The following CCDC33 variants were observed in gnomAD, a reference collection of about 807,000 sequenced individuals.
CCDC33 encodes the protein coiled-coil domain-containing protein 33.
A neutral mutation model predicts 91.9 loss-of-function variants in CCDC33; 94 were observed. The observed-to-expected ratio is 1.02, with a 90% CI of 0.87 to 1.21. The LOEUF (loss-of-function observed/expected upper bound fraction) is 1.21. Among genes scored for constraint, CCDC33 ranks in the 50% most tolerant of loss-of-function variants. The probability of loss-of-function intolerance (pLI) is 0.00; values close to 1 mark genes in which losing one functional copy is unlikely to be tolerated. For missense variants in CCDC33, 940 were observed against 935.5 expected (o/e 1.00, Z -0.06); for synonymous variants, 396 against 374.5 (o/e 1.06, Z -0.66).
chr15:74,241,793 G>A (rs956194574), intron 1 of CCDC33, among the ~76,000 whole-genome samples: 15 of 152,220 alleles, frequency 9.9e-5, no homozygotes, highest in Admixed American at 6.5e-5. Flanking sequence ...GTTTGAAGGT[G>A]GAGCTGACAG....
chr15:74,282,406 C>T (rs773970435), intron 10 of CCDC33, among the ~76,000 whole-genome samples: 5 of 152,176 alleles, frequency 3.3e-5, no homozygotes, highest in Admixed American at 6.5e-5. Flanking sequence ...TCCTGAAGGA[C>T]GCCCACATGC....
At chr15:74,278,870 G>T (rs2076517817) in intron 7 of CCDC33, among the ~76,000 whole-genome samples, 1 of 152,158 alleles carries the variant, frequency 6.6e-6, no homozygotes, top group Admixed American at 6.5e-5. Context: ...GCTGACCTAG[G>T]GTGCCATCAA....
Position 74,334,958 on chromosome 15 carries a change from C to T in CCDC33, c.2026-17C>T. ...TGCTGCCCATGGTCCTCCAATTGTC[C>T]CTCTCTGTGTCTGCAGTTAGAGGAC... On this transcript the variant is annotated splice_polypyrimidine_tract_variant and intron_variant, in intron 17 of 18. Coordinates refer to ENST00000398814, the MANE Select transcript of CCDC33 (RefSeq NM_025055.5). 6.3e-7 allele frequency: 1 copy of T among 1,593,138 alleles called. No homozygotes were observed. The highest frequency in any genetic ancestry group is 1.1e-5 in the South Asian group (1 of 90,622).
rs549518536 is a variant in CCDC33, at chr15:74,243,020, G to A, written c.22-965G>A. Among the ~76,000 whole-genome samples, 235 of 152,316 alleles carry A rather than the reference G, an allele frequency of 1.5e-3. 2 individuals are homozygous for A. Among genetic ancestry groups the A allele is most frequent in the African/African-American group, 5.4e-3 (225 of 41,566 alleles). ...TCCCTGACCGCCTCAGCCGGCCAGGGCTTTGTCTTCTCTCAGCAGCTCTCG... is the reference window on the plus strand; with the variant it reads ...TCCCTGACCGCCTCAGCCGGCCAGGACTTTGTCTTCTCTCAGCAGCTCTCG... On this transcript the variant is annotated intron_variant, in intron 1 of 18. Transcript: ENST00000398814.
intron 2 of CCDC33, among the ~76,000 whole-genome samples, chr15:74,226,815 G>A (rs1262320033): frequency 1.3e-5 from 2 of 149,094 alleles, no homozygotes; most frequent in East Asian, 1.9e-4. Flanking sequence ...GCAATAGAGC[G>A]AGACTCCATC....
At chr15:74,209,514 G>T in exon 2 of CCDC33, 1 of 1,389,180 alleles carries the variant, frequency 7.2e-7, no homozygotes. Context: ...TCATCACAGG[G>T]CTTCAGGGCT....
intron 7 of CCDC33, among the ~76,000 whole-genome samples, chr15:74,278,967 G>A (rs760658018): frequency 6.6e-6 from 1 of 152,182 alleles, no homozygotes; most frequent in Non-Finnish European, 1.5e-5. Context: ...AAGGGGCTGG[G>A]GAAACTGTGT....
At chr15:74,208,050 A>G (rs1408143024) in intron 1 of CCDC33, 1 of 1,316,606 alleles carries the variant, frequency 7.6e-7, no homozygotes, top group East Asian at 3.4e-5. Context: ...GCATCATCAT[A>G]ACATAAAGGA....
upstream of CCDC33, among the ~76,000 whole-genome samples, chr15:74,231,474 G>A (rs2074970297): frequency 6.6e-6 from 1 of 152,212 alleles, no homozygotes; most frequent in Non-Finnish European, 1.5e-5. Context: ...CATTGGTCTG[G>A]CCTCATTCAA....
In CCDC33 at chr15:74,330,278, C is replaced by T; in HGVS notation, c.1380C>T (p.Asn460=). The T allele has an allele frequency of 6.2e-7, 1 of 1,612,548 alleles. No homozygotes were observed. The highest frequency in any genetic ancestry group is 8.5e-7 in the Non-Finnish European group (1 of 1,179,826). Residue 460 remains asparagine, a synonymous_variant, in exon 12 of 19, where the codon AAC becomes AAT. Transcript: ENST00000398814. ...RRQASILEGE[N]RILRSRLAQQ... is the part of the protein sequence containing the mutation. ...AGGCCAGCATCCTGGAAGGAGAGAA[C>T]CGCATACTGAGGAGCCGCCTGGCCC...
rs781008556 is a variant in CCDC33 at position 74,266,753 on chromosome 15, G to A, written c.395G>A (p.Arg132His). 44 of 1,613,998 alleles carry A rather than the reference G, an allele frequency of 2.7e-5. 1 individual carries two copies. The South Asian group carries it at 3.8e-4, about 14-fold the overall frequency. ...TACAAAATCCCCATCAAGTACCTGCGTGTCTTCCACCCCTACCACTTTGAG... is the reference window on the plus strand; with the variant it reads ...TACAAAATCCCCATCAAGTACCTGCATGTCTTCCACCCCTACCACTTTGAG... ...LSYKIPIKYL[R>H]VFHPYHFELV... The change falls in exon 4 of 19, where the codon CGT (arginine) becomes CAT (histidine). Residue 132 changes from arginine (R) to histidine (H), a missense_variant. Transcript: ENST00000398814.
At chr15:74,317,991 G>A (rs2060126763) in intron 11 of CCDC33, among the ~76,000 whole-genome samples, 1 of 149,868 alleles carries the variant, frequency 6.7e-6, no homozygotes, top group Non-Finnish European at 1.5e-5. Flanking sequence ...CAGAGCATCA[G>A]GAAAGCAGCC....
intron 11 of CCDC33, among the ~76,000 whole-genome samples, chr15:74,326,186 A>T (rs1432453004): frequency 6.6e-6 from 1 of 152,200 alleles, no homozygotes; most frequent in African/African-American, 2.4e-5. Flanking sequence ...TTAGCCAGGC[A>T]TGGTGGCACA....
chr15:74,237,324 A>G (rs1371899249), intron 1 of CCDC33, among the ~76,000 whole-genome samples: 1 of 152,222 alleles, frequency 6.6e-6, no homozygotes, highest in Non-Finnish European at 1.5e-5. Flanking sequence ...TCAGGAAGGG[A>G]CTAGAATCTC....
Position 74,218,622 on chromosome 15 carries a change from G to A in CCDC33, c.436G>A (p.Asp146Asn), listed in dbSNP as rs970838585. 4 of 1,289,750 alleles carry A rather than the reference G, an allele frequency of 3.1e-6. No individual in the cohort carries two copies. Among genetic ancestry groups the A allele is most frequent in the Non-Finnish European group, 4.0e-6 (4 of 988,896 alleles). 79.9% of individuals were successfully genotyped at this position (1,289,750 alleles called of 1,614,324 possible). A position where few individuals can be genotyped will look rare whatever the true frequency, so the allele number is the denominator to read the frequency against. Residue 146 changes from aspartate to asparagine, a missense_variant, in exon 2 of 3, where the codon GAC (aspartate) becomes AAC (asparagine). By Grantham distance (23) the Asp-to-Asn change is conservative. Transcript: ENST00000635913. The surrounding 1 kb of genome is among the most constrained non-coding windows in gnomAD (Gnocchi z 4.8). Reference sequence around the variant, plus strand: ...CATCTTCCCCATCTACCCGAGGCCAGACCAACCCCGCATGAACCCAAAGGC... The same window carrying A: ...CATCTTCCCCATCTACCCGAGGCCAAACCAACCCCGCATGAACCCAAAGGC...
At chr15:74,217,529 T>C in exon 1 of CCDC33, 1 of 1,282,090 alleles carries the variant, frequency 7.8e-7, no homozygotes, top group Non-Finnish European at 1.0e-6. Flanking sequence ...AGCAGGAGCC[T>C]GGCCAGAGCC....
At chr15:74,321,292 C>G (rs2060201746) in intron 11 of CCDC33, among the ~76,000 whole-genome samples, 1 of 151,470 alleles carries the variant, frequency 6.6e-6, no homozygotes, top group African/African-American at 2.4e-5. Flanking sequence ...GCTCTGTTGC[C>G]CAGGCTGGAG....
In CCDC33 at chr15:74,262,309, CTAT is replaced by C; in HGVS notation, c.186-130_186-128del. The C allele has an allele frequency of 5.0e-6, 6 of 1,190,700 alleles. 1 individual carries two copies. In the South Asian group the frequency reaches 8.9e-5, roughly 18 times the overall value. The allele number at this position is 1,190,700 out of a possible 1,614,324, so 73.8% of individuals were successfully genotyped here. ...GAGAGGCCTGGGATGACACAAGTGT[CTAT>C]GCATGGGACAGAGCTCTCCATATTC... On this transcript the variant is annotated intron_variant, in intron 2 of 18. Transcript: ENST00000398814.
At chr15:74,234,163 G>T (rs1945567915), upstream of CCDC33, among the ~76,000 whole-genome samples, 1 of 152,230 alleles carries the variant, frequency 6.6e-6, no homozygotes, top group African/African-American at 2.4e-5. Context: ...TCCAGCCTCA[G>T]GGGCTTGCCC....
Sources: gnomAD v4.1 joint callset for allele counts (sites outside exome capture counted in the v4.1 genomes callset) on GRCh38, gnomAD v4.1.1 for gene constraint, Gnocchi (gnomAD v3.1) non-coding constraint, MANE v1.5 for transcripts, NCBI Gene and HGNC (gene_info 2026-07-23, HGNC 2026-07-21) for gene names.